DDB1: variants seen among roughly 807,000 people sequenced by gnomAD.
DDB1 encodes the protein DNA damage-binding protein 1.
DDB1 carries 18 observed loss-of-function variants against 133.1 expected under a neutral mutation model. The ratio of observed to expected loss-of-function variants is 0.14; its 90% confidence interval spans 0.09 to 0.20. DDB1 has a LOEUF of 0.20. Among genes scored for constraint, DDB1 ranks in the 10% least tolerant of loss-of-function variants. The pLI, the probability that DDB1 is intolerant of heterozygous loss-of-function variation, is 1.00. For synonymous variants in DDB1, 580 were observed against 550.5 expected, an observed-to-expected ratio of 1.05 and a Z score of -0.75; for missense variants, 828 against 1,459.2, an observed-to-expected ratio of 0.57 and a Z score of 7.05.
At chr11:61,309,198 C>T in intron 20 of DDB1, 121 bp from the exon 21 acceptor site, 1 of 840,668 alleles carries the variant, frequency 1.2e-6, no homozygotes, top group Non-Finnish European at 2.0e-6. Context: ...TCTAAAAAAA[C>T]AACACAGACT....
chr11:61,324,721 G>T (rs534162861), intron 6 of DDB1, among the ~76,000 whole-genome samples: 1 of 152,142 alleles, frequency 6.6e-6, no homozygotes, highest in Non-Finnish European at 1.5e-5. Context: ...AAAGTAAAAT[G>T]AAACTTTTAA....
At chr11:61,322,816 C>G (rs1856204884) in intron 8 of DDB1, 195 bp downstream of exon 8, 2 of 589,692 alleles carry the variant, frequency 3.4e-6, no homozygotes, top group African/African-American at 1.9e-5. Context: ...AGCACCTTGC[C>G]TGGCAAATTT....
At chr11:61,303,272 A>T in intron 22 of DDB1, 117 bp from the exon 23 acceptor site, 1 of 900,698 alleles carries the variant, frequency 1.1e-6, no homozygotes, top group Non-Finnish European at 1.8e-6. Flanking sequence ...AAGATATAGC[A>T]TGGTGTTCAA....
chr11:61,331,375 T>C (rs1406882692), intron 2 of DDB1, among the ~76,000 whole-genome samples, 168 bp downstream of exon 2: 1 of 152,038 alleles, frequency 6.6e-6, no homozygotes, highest in Non-Finnish European at 1.5e-5. Flanking sequence ...GCTACTCTAC[T>C]CCAGAGGCTA....
chr11:61,307,228 T>C (rs1051208372), intron 21 of DDB1, among the ~76,000 whole-genome samples: 3 of 152,248 alleles, frequency 2.0e-5, no homozygotes, highest in African/African-American at 7.2e-5. Flanking sequence ...ACTGTCCACA[T>C]CACTCTGTCC....
At chr11:61,316,186 A>T (rs1156474745) in intron 12 of DDB1, 99 bp downstream of exon 12, 11 of 963,926 alleles carry the variant, frequency 1.1e-5, no homozygotes, top group Non-Finnish European at 1.8e-5. Context: ...TTATTTTTGG[A>T]GCCATAAAAA....
intron 19 of DDB1, 77 bp downstream of exon 19, chr11:61,310,218 T>G (rs1855941794): frequency 6.5e-7 from 1 of 1,549,278 alleles, no homozygotes; most frequent in South Asian, 1.2e-5. Flanking sequence ...TCTGTCAGGC[T>G]TTGCAGGTAC....
Position 61,313,925 on chromosome 11 carries a change from G to A in DDB1, c.1798C>T (p.His600Tyr), listed in dbSNP as rs1289107735. The stretch of plus-strand genomic sequence containing the variant: ...TCTCCCAAGGCACAAAGGAGGTAAT[G>A]GCTACTCTCAAAGGTGGTCATCAGG... The part of the protein sequence containing the change: ...SILMTTFESS[H>Y]YLLCALGDGA... The change falls in exon 15 of 27, where the codon CAT becomes TAT. Residue 600 changes from histidine (H) to tyrosine (Y), a missense_variant. By Grantham distance (83) the His-to-Tyr change is moderately conservative. This residue lies in a region of DDB1 where 396 missense variants were observed against 554.1 expected (regional missense o/e 0.71). Transcript: ENST00000301764. 2 of 1,614,004 alleles carry A rather than the reference G, an allele frequency of 1.2e-6. No homozygotes were observed. The highest frequency in any genetic ancestry group is 1.3e-5 in the African/African-American group (1 of 74,898).
rs777003318 is a variant in DDB1, at chr11:61,313,624, G to A, written c.1944C>T (p.Asn648=). ...TGGGGCGGTCAGAACAAGCAAAGAC[G>A]TTGGTGGTAGAAAGAGAACGAAAAG... The part of the protein sequence containing the change: ...LRTFRSLSTT[N]VFACSDRPTV... The change falls in exon 16 of 27, where the codon AAC becomes AAT. Residue 648 remains asparagine, a synonymous_variant. Coordinates refer to ENST00000301764, the MANE Select transcript of DDB1 (RefSeq NM_001923.5). The A allele has an allele frequency of 5.6e-6, 9 of 1,614,050 alleles. No individual in the cohort carries two copies. The highest frequency in any genetic ancestry group is 1.6e-4 in the Middle Eastern group (1 of 6,084).
At chr11:61,332,419 T>C (rs900501499) in intron 1 of DDB1, 1 of 153,780 alleles carries the variant, frequency 6.5e-6, no homozygotes, top group Admixed American at 6.5e-5. Flanking sequence ...AGGGCCCTCA[T>C]GTAAACAACA....
In DDB1 at chr11:61,311,768, T is replaced by G. The variant is rs760280947; in HGVS notation, c.2277+16A>C. The G allele has an allele frequency of 6.2e-7, 1 of 1,601,148 alleles. No homozygotes were observed. Among genetic ancestry groups the G allele is most frequent in the Non-Finnish European group, 8.5e-7 (1 of 1,175,426 alleles). On this transcript the variant is annotated intron_variant, in intron 18 of 26. Coordinates refer to ENST00000301764, the MANE Select transcript of DDB1 (RefSeq NM_001923.5). ...CCCCTGCTCTAAGGTCATCTTTCTTTGTCCACTGCCCTTACCTGGGTGCTA... is the reference window on the plus strand; with the variant it reads ...CCCCTGCTCTAAGGTCATCTTTCTTGGTCCACTGCCCTTACCTGGGTGCTA...
At chr11:61,332,853 C>T (rs1856428301) in intron 1 of DDB1, 55 bp downstream of exon 1, 2 of 1,384,158 alleles carry the variant, frequency 1.4e-6, no homozygotes, top group African/African-American at 1.5e-5. Context: ...CTCCCTAGGC[C>T]GCGGCTCCCC....
intron 21 of DDB1, 75 bp from the exon 22 acceptor site, chr11:61,304,110 C>T (rs1855845683): frequency 6.5e-7 from 1 of 1,542,874 alleles, no homozygotes; most frequent in Middle Eastern, 2.2e-4. Flanking sequence ...CTCTTCGACC[C>T]TTCATCTGCA....
At chr11:61,331,981 C>G in intron 1 of DDB1, 1 of 308,552 alleles carries the variant, frequency 3.2e-6, no homozygotes, top group African/African-American at 2.1e-5. Flanking sequence ...ATGCCTCTTG[C>G]CCCTCCAATT....
At chr11:61,303,627 C>T (rs1433675946) in intron 22 of DDB1, among the ~76,000 whole-genome samples, 1 of 144,362 alleles carries the variant, frequency 6.9e-6, no homozygotes, top group East Asian at 2.0e-4. Context: ...TGGCGTGAAC[C>T]TGGGAGGCAG....
At position 61,302,729 on chromosome 11, in the gene DDB1, G is replaced by T; in HGVS notation, c.2965C>A (p.Arg989=). 1.9e-6 allele frequency: 3 copies of T among 1,614,198 alleles called. No homozygotes were observed. Among genetic ancestry groups the T allele is most frequent in the Non-Finnish European group, 2.5e-6 (3 of 1,180,026 alleles). Residue 989 remains arginine, a synonymous_variant, in exon 24 of 27, where the codon CGG becomes AGG. Coordinates refer to ENST00000301764, the MANE Select transcript of DDB1 (RefSeq NM_001923.5). ...KDSAATTDEE[R]QHLQEVGLFH... ...AGACCAACCTCCTGGAGGTGCTGCCGCTCCTCGTCAGTGGTGGCAGCGCTG... is the reference window on the plus strand; with the variant it reads ...AGACCAACCTCCTGGAGGTGCTGCCTCTCCTCGTCAGTGGTGGCAGCGCTG...
rs780029105 is a variant in DDB1, at chr11:61,311,875, A to G, written c.2186T>C (p.Val729Ala). 46 of 1,614,086 alleles carry G rather than the reference A, an allele frequency of 2.8e-5. No homozygotes were observed. Among genetic ancestry groups the G allele is most frequent in the Non-Finnish European group, 3.8e-5 (45 of 1,180,032 alleles). The change falls in exon 18 of 27, where the codon GTG becomes GCG. Residue 729 changes from valine (V) to alanine (A), a missense_variant. By Grantham distance (64) the Val-to-Ala change is moderately conservative. Coordinates refer to ENST00000301764, the MANE Select transcript of DDB1 (RefSeq NM_001923.5). ...GGAGAGGACCCCGAAACACTGGGAC[A>G]CTTCCTGGTAGCAGATCTTCCTGCA... Reference protein sequence around the residue: ...ESPRKICYQEVSQCFGVLSSR... With the variant: ...ESPRKICYQEASQCFGVLSSR...
At chr11:61,304,596 C>T (rs376942706) in intron 21 of DDB1, among the ~76,000 whole-genome samples, 4 of 152,142 alleles carry the variant, frequency 2.6e-5, no homozygotes, top group African/African-American at 7.2e-5. Flanking sequence ...ACTGTGCAGC[C>T]GGCCGCAGTG....
chr11:61,311,985 T>C lies in DDB1; in HGVS notation c.2165+4A>G, dbSNP rs762537993. 2 of 1,614,178 alleles carry C rather than the reference T, an allele frequency of 1.2e-6. No homozygotes were observed. The highest frequency in any genetic ancestry group is 1.7e-6 in the Non-Finnish European group (2 of 1,180,022). On this transcript the variant is annotated splice_donor_region_variant and intron_variant, in intron 17 of 26. Coordinates refer to ENST00000301764, the MANE Select transcript of DDB1 (RefSeq NM_001923.5). Reference sequence around the variant, plus strand: ...ACTTCCCACTCTCCCACCCTGGGCCTCACCTTGGAGACTCATAGAGGGGAA... The same window carrying C: ...ACTTCCCACTCTCCCACCCTGGGCCCCACCTTGGAGACTCATAGAGGGGAA...
Sources: allele counts gnomAD v4.1 joint callset (sites outside exome capture counted in the v4.1 genomes callset), GRCh38; gene constraint gnomAD v4.1.1; regional missense constraint gnomAD v4.1.1; transcripts MANE v1.5; gene names NCBI Gene and HGNC (gene_info 2026-07-23, HGNC 2026-07-21).